Variants in CLIC5 observed in about 807,000 individuals in gnomAD.
CLIC5 encodes CLIC family member 5, also known as chloride intracellular channel protein 5.
Under a neutral mutation model 24.7 loss-of-function variants are expected in CLIC5, and 20 were observed. That is an observed-to-expected ratio of 0.81 (90% CI 0.57 to 1.18). CLIC5 has a LOEUF of 1.18. Ranked by LOEUF, CLIC5 falls within the 50% of genes most tolerant of loss-of-function variation. CLIC5 has a pLI of 0.00. For missense variants in CLIC5, 341 were observed against 326.1 expected (o/e 1.05, Z -0.35); for synonymous variants, 159 against 135.6 (o/e 1.17, Z -1.20).
chr6:46,037,403 A>G (rs1193901868), intron 1 of CLIC5, among the ~76,000 whole-genome samples: 1 of 152,196 alleles, frequency 6.6e-6, no homozygotes, highest in Non-Finnish European at 1.5e-5. Flanking sequence ...TGGAAGAACA[A>G]AGGAATGAAT....
chr6:45,916,931 G>A (rs879897791), intron 4 of CLIC5, among the ~76,000 whole-genome samples: 1 of 152,184 alleles, frequency 6.6e-6, no homozygotes, highest in Non-Finnish European at 1.5e-5. Flanking sequence ...CCGTGGTAGA[G>A]GAAGAGGAGA....
At chr6:46,103,111 AAAT>A in the CLIC5 span, among the ~76,000 whole-genome samples, 1 of 152,208 alleles carries the variant, frequency 6.6e-6, no homozygotes, top group Admixed American at 6.5e-5. Flanking sequence ...TTTACAAGGA[AAAT>A]AATACAGACT....
At chr6:46,109,698 ACTTTTT>A in the CLIC5 span, among the ~76,000 whole-genome samples, 2 of 152,074 alleles carry the variant, frequency 1.3e-5, no homozygotes, top group African/African-American at 2.4e-5. Context: ...AGTCAAGAAA[ACTTTTT>A]CTTTTGAGCT....
the CLIC5 span, among the ~76,000 whole-genome samples, chr6:46,125,127 C>T: frequency 3.2e-4 from 49 of 152,310 alleles, no homozygotes; most frequent in African/African-American, 1.1e-3. Context: ...CAAAAGCACA[C>T]ATATGTTTAT....
the CLIC5 span, among the ~76,000 whole-genome samples, chr6:46,090,093 C>T: frequency 1.3e-5 from 2 of 152,000 alleles, no homozygotes; most frequent in Non-Finnish European, 2.9e-5. Context: ...CAACAAAAAA[C>T]GAAATATATG....
At chr6:46,017,122 C>T (rs1269733705), upstream of CLIC5, among the ~76,000 whole-genome samples, 1 of 152,138 alleles carries the variant, frequency 6.6e-6, no homozygotes, top group Admixed American at 6.5e-5. Context: ...CATAGGTTTT[C>T]TAAAGTGGTT....
At chr6:45,993,451 A>C (rs542048182) in intron 1 of CLIC5, among the ~76,000 whole-genome samples, 1 of 152,356 alleles carries the variant, frequency 6.6e-6, no homozygotes, top group East Asian at 1.9e-4. Context: ...GTTGTAGGAA[A>C]TGTGGAAGTA....
intron 4 of CLIC5, among the ~76,000 whole-genome samples, chr6:45,929,837 G>GTAAT (rs1330655672): frequency 2.6e-5 from 4 of 152,186 alleles, no homozygotes; most frequent in African/African-American, 9.7e-5. Context: ...ATGCTACAGG[G>GTAAT]TAATTAGGTT....
rs531627204 is a variant in CLIC5, at chr6:46,006,230, C to T, written c.63+9250G>A. ...CGCAATCTTGGCCCACTGCAGCCTC[C>T]GCCTCCTTGGTTCAAGCAATTCTCC... On this transcript the variant is annotated intron_variant, in intron 1 of 5. Coordinates refer to ENST00000339561, the MANE Select transcript of CLIC5 (RefSeq NM_016929.5). Among the ~76,000 whole-genome samples, 137 of 148,794 alleles carry T rather than the reference C, an allele frequency of 9.2e-4. 4 individuals carry two copies. The South Asian group carries it at 0.023, about 25-fold the overall frequency.
chr6:46,011,268 C>A (rs1392954754), intron 1 of CLIC5, among the ~76,000 whole-genome samples: 1 of 152,210 alleles, frequency 6.6e-6, no homozygotes, highest in Non-Finnish European at 1.5e-5. Flanking sequence ...CTATCAACAA[C>A]ACTTCTGACC....
At chr6:46,090,292 A>G in the CLIC5 span, among the ~76,000 whole-genome samples, 3 of 152,302 alleles carry the variant, frequency 2.0e-5, no homozygotes, top group Non-Finnish European at 4.4e-5. Flanking sequence ...TGCATGTATA[A>G]TCCACCAGGT....
intron 1 of CLIC5, among the ~76,000 whole-genome samples, chr6:45,967,040 A>G (rs1440679068): frequency 1.3e-5 from 2 of 152,166 alleles, no homozygotes. Flanking sequence ...TATGTACCCA[A>G]CCACATTTGT....
chr6:46,048,785 G>A (rs534116504), intron 1 of CLIC5, among the ~76,000 whole-genome samples: 144 of 152,210 alleles, frequency 9.5e-4, no homozygotes, highest in Non-Finnish European at 3.8e-4. Flanking sequence ...CTTGTCTCCC[G>A]GGGGAAGAAT....
In CLIC5 at chr6:46,059,558, G is replaced by A. The variant is rs934888576; in HGVS notation, c.540+20145C>T. Among the ~76,000 whole-genome samples the A allele has an allele frequency of 3.3e-5, 5 of 152,266 alleles. No individual in the cohort carries two copies. The South Asian group carries it at 1.0e-3, about 32-fold the overall frequency. On this transcript the variant is annotated intron_variant, in intron 1 of 5. Transcript: ENST00000185206. ...AAATTCAACTGTTGGGACATTCGAGGGAGCTCCCTCCACATGCCAAGACAC... is the reference window on the plus strand; with the variant it reads ...AAATTCAACTGTTGGGACATTCGAGAGAGCTCCCTCCACATGCCAAGACAC...
chr6:45,889,259 C>T (rs1762329477), intron 6 of CLIC5, among the ~76,000 whole-genome samples: 1 of 152,122 alleles, frequency 6.6e-6, no homozygotes, highest in South Asian at 2.1e-4. Flanking sequence ...CTCCTTGTAT[C>T]CTCACATGGT....
At chr6:46,127,470 T>G in the CLIC5 span, among the ~76,000 whole-genome samples, 1 of 152,238 alleles carries the variant, frequency 6.6e-6, no homozygotes, top group African/African-American at 2.4e-5. Flanking sequence ...AAAATTTATA[T>G]AAAATTCCCT....
intron 1 of CLIC5, among the ~76,000 whole-genome samples, chr6:46,047,959 T>C (rs1183598369): frequency 2.0e-5 from 3 of 152,166 alleles, no homozygotes; most frequent in Non-Finnish European, 4.4e-5. Context: ...GCAAATTTGT[T>C]TTAATTCCTT....
intron 6 of CLIC5, among the ~76,000 whole-genome samples, chr6:45,893,331 T>C (rs916884263): frequency 5.9e-5 from 9 of 151,844 alleles, no homozygotes; most frequent in Non-Finnish European, 1.0e-4. Context: ...GAAGAAAGAC[T>C]GAAGACCAAC....
At chr6:45,928,795 T>TGTGTGTGC (rs200432038) in intron 4 of CLIC5, among the ~76,000 whole-genome samples, 1 of 148,366 alleles carries the variant, frequency 6.7e-6, no homozygotes, top group African/African-American at 2.5e-5. Flanking sequence ...TGTGTGTGTG[T>TGTGTGTGC]AGAGAGAGAG....
Sources: gnomAD v4.1 joint callset for allele counts (sites outside exome capture counted in the v4.1 genomes callset) on GRCh38, gnomAD v4.1.1 for gene constraint, MANE v1.5 for transcripts, NCBI Gene and HGNC (gene_info 2026-07-23, HGNC 2026-07-21) for gene names.